Variants in TET1 observed in about 807,000 individuals in gnomAD.
The protein encoded by TET1 is tet methylcytosine dioxygenase 1.
A neutral mutation model predicts 148.7 loss-of-function variants in TET1; 13 were observed. The observed-to-expected ratio is 0.09, with a 90% CI of 0.06 to 0.14. TET1 has a LOEUF of 0.14. Among genes scored for constraint, TET1 ranks in the 10% least tolerant of loss-of-function variants. The pLI, the probability that TET1 is intolerant of heterozygous loss-of-function variation, is 1.00. For synonymous variants in TET1, 907 were observed against 937.2 expected (o/e 0.97, Z 0.59); for missense variants, 2,182 against 2,553.8 (o/e 0.85, Z 3.14).
At chr10:68,686,790 A>C in intron 11 of TET1, 83 bp downstream of exon 11, 1 of 1,243,782 alleles carries the variant, frequency 8.0e-7, no homozygotes, top group Non-Finnish European at 1.1e-6. Context: ...ATTTGTTTAG[A>C]GTTAAAACTA....
In TET1 at chr10:68,636,981, T is replaced by TTG. The variant is rs1554940595; in HGVS notation, c.1969-7690_1969-7689dup. Among the ~76,000 whole-genome samples the TTG allele has an allele frequency of 5.0e-3, 516 of 102,484 alleles. 3 individuals are homozygous for TTG. The highest frequency in any genetic ancestry group is 0.016 in the Admixed American group (171 of 10,598). 67.2% of individuals were successfully genotyped at this position (102,484 alleles called of 152,430 possible). On this transcript the variant is annotated intron_variant, in intron 3 of 11. Transcript: ENST00000373644. The stretch of plus-strand genomic sequence containing the variant: ...CTTTTGTTTTCTATTATTTTACTCG[T>TTG]TGTGTGTGTGTGTGTGTGTGTGTGT...
intron 3 of TET1, among the ~76,000 whole-genome samples, chr10:68,602,238 T>C (rs990327665): frequency 2.0e-5 from 3 of 152,250 alleles, no homozygotes; most frequent in African/African-American, 7.2e-5. Flanking sequence ...AATAGAATCA[T>C]GGTTATTCTC....
At chr10:68,595,233 G>GGGTACAT (rs2053964531) in intron 2 of TET1, among the ~76,000 whole-genome samples, 1 of 151,616 alleles carries the variant, frequency 6.6e-6, no homozygotes, top group Non-Finnish European at 1.5e-5. Flanking sequence ...TAATTTTTAT[G>GGGTACAT]GGTACATAGT....
chr10:68,569,799 T>C (rs916893060), intron 1 of TET1, among the ~76,000 whole-genome samples: 1 of 151,960 alleles, frequency 6.6e-6, no homozygotes, highest in Non-Finnish European at 1.5e-5. Flanking sequence ...AATAAATTAA[T>C]TAATTAAAAA....
intron 3 of TET1, among the ~76,000 whole-genome samples, chr10:68,633,166 A>C (rs2054601790): frequency 6.6e-6 from 1 of 152,142 alleles, no homozygotes; most frequent in Non-Finnish European, 1.5e-5. Context: ...CCTGGGTGAC[A>C]GAGTGAGACC....
At chr10:68,663,173 T>C (rs1292252505) in intron 6 of TET1, among the ~76,000 whole-genome samples, 2 of 152,202 alleles carry the variant, frequency 1.3e-5, no homozygotes, top group African/African-American at 4.8e-5. Flanking sequence ...CCTGACATGA[T>C]GCTCATTTAC....
intron 3 of TET1, among the ~76,000 whole-genome samples, chr10:68,607,420 T>G (rs12772750): frequency 0.012 from 1,705 of 147,348 alleles, 29 homozygotes; most frequent in African/African-American, 0.04. Context: ...TTTTTTTTTT[T>G]GTTTTTTTTG....
At chr10:68,638,750 C>T (rs2054692268) in intron 3 of TET1, among the ~76,000 whole-genome samples, 1 of 145,472 alleles carries the variant, frequency 6.9e-6, no homozygotes, top group Non-Finnish European at 1.5e-5. Flanking sequence ...ACAGGAAATA[C>T]TGCATGTATG....
At chr10:68,614,368 CAG>C (rs1294598000) in intron 3 of TET1, among the ~76,000 whole-genome samples, 45 of 152,282 alleles carry the variant, frequency 3.0e-4, no homozygotes, top group Admixed American at 2.8e-3. Context: ...AAATAAAAAA[CAG>C]TGTAAATACT....
Position 68,579,284 on chromosome 10 carries a change from G to A in TET1, c.1914+5032G>A, listed in dbSNP as rs192816360. Among the ~76,000 whole-genome samples, 105 of 152,284 alleles carry A rather than the reference G, an allele frequency of 6.9e-4. 1 individual carries two copies. The highest frequency in any genetic ancestry group is 4.2e-4 in the South Asian group (2 of 4,816). ...ACCTGCTCTTTCTCTTGCATTACAT[G>A]TTTGGTTCAGTGCCATAACAAATGA... On this transcript the variant is annotated intron_variant, in intron 2 of 11. Coordinates refer to ENST00000373644, the MANE Select transcript of TET1 (RefSeq NM_030625.3).
rs1275980634 is a variant in TET1, at chr10:68,694,083, ATC to A, written c.*2278_*2279del. On this transcript the variant is annotated 3_prime_UTR_variant, in exon 12 of 12. Transcript: ENST00000373644. ...GTAATGTATGCAGTAATTCAAATTG[ATC>A]TCTCTCTCAATAGGTTTCTTAACAA... 4.3e-6 allele frequency: 1 copy of A among 232,120 alleles called. No individual in the cohort carries two copies. Among genetic ancestry groups the A allele is most frequent in the Non-Finnish European group, 8.5e-6 (1 of 117,488 alleles). The allele number at this position is 232,120 out of a possible 1,614,324, so 14.4% of individuals were successfully genotyped here.
intron 3 of TET1, among the ~76,000 whole-genome samples, chr10:68,604,951 TTTTGGCTGGTAAGGAATA>T (rs1325952564): frequency 6.6e-6 from 1 of 152,180 alleles, no homozygotes; most frequent in Non-Finnish European, 1.5e-5. Flanking sequence ...TAGATAGTCT[TTTTGGCTGGTAAGGAATA>T]TTTTCTAGCT....
Position 68,564,124 on chromosome 10 carries a change from A to T in TET1, c.-123+3382A>T, listed in dbSNP as rs2053582454. On this transcript the variant is annotated intron_variant, in intron 1 of 11. Coordinates refer to ENST00000373644, the MANE Select transcript of TET1 (RefSeq NM_030625.3). ...ACTCTGTAGTTCCCTTGTCATAAAG[A>T]CATTTTAGGGGGAAAAATGTTCTAT... Among the ~76,000 whole-genome samples the T allele has an allele frequency of 2.7e-5, 4 of 150,898 alleles. No homozygotes were observed. The South Asian group carries it at 8.4e-4, about 32-fold the overall frequency.
rs2054813224 is a variant in TET1 at position 68,644,740 on chromosome 10, TC to T, written c.2013del (p.Met672TrpfsTer16). ...ACCAGTAAATGGCCCCAAGTCAGAATCCATGGACTACAGTAGATGTGGTCAT... is the reference window on the plus strand; with the variant it reads ...ACCAGTAAATGGCCCCAAGTCAGAATCATGGACTACAGTAGATGTGGTCAT... ...NKPVNGPKSE[S>X]MDYSRCGHGE... On this transcript the variant is annotated frameshift_variant, in exon 4 of 12. Coordinates refer to ENST00000373644, the MANE Select transcript of TET1 (RefSeq NM_030625.3). LOFTEE classifies it high-confidence loss of function. 1 of 1,591,736 alleles carries T rather than the reference TC, an allele frequency of 6.3e-7. No homozygotes were observed. Among genetic ancestry groups the T allele is most frequent in the Non-Finnish European group, 8.5e-7 (1 of 1,172,194 alleles).
At chr10:68,671,957 T>C (rs2055278006) in intron 7 of TET1, among the ~76,000 whole-genome samples, 1 of 152,172 alleles carries the variant, frequency 6.6e-6, no homozygotes, top group South Asian at 2.1e-4. Flanking sequence ...TTGGTCAGGG[T>C]GGTCTTGAAC....
intron 8 of TET1, among the ~76,000 whole-genome samples, 169 bp from the exon 9 acceptor site, chr10:68,681,230 A>G (rs1022948991): frequency 2.0e-5 from 3 of 152,232 alleles, no homozygotes; most frequent in African/African-American, 7.2e-5. Flanking sequence ...ACAATGTCTA[A>G]TAGTTTAGAT....
intron 6 of TET1, among the ~76,000 whole-genome samples, chr10:68,655,713 T>C (rs1479622124): frequency 1.1e-4 from 16 of 152,226 alleles, no homozygotes; most frequent in Non-Finnish European, 1.5e-5. Flanking sequence ...AGCTTAAAGA[T>C]TTCGGTAACA....
chr10:68,674,168 T>C (rs527682092), intron 8 of TET1, among the ~76,000 whole-genome samples: 8 of 152,194 alleles, frequency 5.3e-5, no homozygotes, highest in Non-Finnish European at 8.8e-5. Context: ...TTCACCATGT[T>C]GGCCAGGCTA....
At chr10:68,688,430 CTTTTTTT>C (rs56149036) in intron 11 of TET1, among the ~76,000 whole-genome samples, 164 of 90,096 alleles carry the variant, frequency 1.8e-3, no homozygotes, top group East Asian at 2.7e-3. Flanking sequence ...CTTTTGATAG[CTTTTTTT>C]TTTTTTTTTT....
Sources: allele counts gnomAD v4.1 joint callset (sites outside exome capture counted in the v4.1 genomes callset), GRCh38; gene constraint gnomAD v4.1.1; transcripts MANE v1.5; gene names NCBI Gene and HGNC (gene_info 2026-07-23, HGNC 2026-07-21).